RLN2: variants seen among roughly 807,000 people sequenced by gnomAD.
The protein encoded by RLN2 is relaxin 2.
Under a neutral mutation model 7.3 loss-of-function variants are expected in RLN2, and 10 were observed. The observed-to-expected ratio is 1.36, with a 90% CI of 0.84 to 2.31. The LOEUF is 2.31. Among genes scored for constraint, RLN2 ranks in the 30% most tolerant of loss-of-function variants. RLN2 has a pLI of 0.00. For synonymous variants in RLN2, 103 were observed against 82.3 expected (o/e 1.25, Z -1.36); for missense variants, 298 against 217.6 (o/e 1.37, Z -2.32).
At chr9:5,306,112 T>G (rs572182193), upstream of RLN2, among the ~76,000 whole-genome samples, 66 of 149,084 alleles carry the variant, frequency 4.4e-4, 1 homozygote, top group Admixed American at 2.9e-3. Flanking sequence ...GTTTTTTGTT[T>G]TTTTTTTTTT....
chr9:5,335,965 TCTTA>T, the RLN2 span, among the ~76,000 whole-genome samples: 1 of 152,092 alleles, frequency 6.6e-6, no homozygotes, highest in Non-Finnish European at 1.5e-5. Flanking sequence ...CTTGGATTCT[TCTTA>T]CTTAACTCGT....
At chr9:5,327,424 C>T in the RLN2 span, among the ~76,000 whole-genome samples, 1 of 151,978 alleles carries the variant, frequency 6.6e-6, no homozygotes. Flanking sequence ...TGGAGTCCAC[C>T]GCAGCTCAAC....
At chr9:5,330,040 C>T in the RLN2 span, among the ~76,000 whole-genome samples, 1 of 151,942 alleles carries the variant, frequency 6.6e-6, no homozygotes, top group African/African-American at 2.4e-5. Flanking sequence ...TGCAAAAGAA[C>T]AGATATCACA....
intron 1 of RLN2, chr9:5,304,164 A>G: frequency 1.1e-5 from 5 of 464,868 alleles, no homozygotes; most frequent in Non-Finnish European, 1.5e-5. Context: ...CCGTCCGGTG[A>G]GATTCCCAGT....
At chr9:5,337,626 TG>T in the RLN2 span, among the ~76,000 whole-genome samples, 7 of 152,022 alleles carry the variant, frequency 4.6e-5, no homozygotes, top group Admixed American at 4.6e-4. Context: ...AGTATAAGTC[TG>T]AAAACTCATA....
At chr9:5,322,789 A>G in the RLN2 span, among the ~76,000 whole-genome samples, 3 of 152,140 alleles carry the variant, frequency 2.0e-5, no homozygotes, top group Middle Eastern at 3.4e-3. Flanking sequence ...TATCATGTTT[A>G]AAGACTTTTT....
the RLN2 span, among the ~76,000 whole-genome samples, chr9:5,319,692 C>A: frequency 2.0e-5 from 3 of 151,976 alleles, no homozygotes; most frequent in Non-Finnish European, 4.4e-5. Flanking sequence ...GGCAAGCAAG[C>A]AACTCAGTGA....
chr9:5,336,377 T>C, the RLN2 span, among the ~76,000 whole-genome samples: 1 of 151,984 alleles, frequency 6.6e-6, no homozygotes, highest in East Asian at 1.9e-4. Flanking sequence ...GCAAGATCTG[T>C]GTGATTCCTA....
chr9:5,320,580 A>G, the RLN2 span, among the ~76,000 whole-genome samples: 1 of 151,734 alleles, frequency 6.6e-6, no homozygotes, highest in African/African-American at 2.4e-5. Context: ...CATGTGGGCC[A>G]GGCTGCTCTC....
chr9:5,322,334 G>T, the RLN2 span, among the ~76,000 whole-genome samples: 1 of 151,824 alleles, frequency 6.6e-6, no homozygotes, highest in African/African-American at 2.4e-5. Context: ...CCCAGTCATA[G>T]GACTGCAGCA....
the RLN2 span, among the ~76,000 whole-genome samples, chr9:5,318,202 A>C: frequency 1.3e-5 from 2 of 152,128 alleles, no homozygotes; most frequent in East Asian, 3.9e-4. Context: ...AATTATTTGC[A>C]ACATTATAAT....
chr9:5,328,033 A>C, the RLN2 span, among the ~76,000 whole-genome samples: 1 of 152,058 alleles, frequency 6.6e-6, no homozygotes, highest in African/African-American at 2.4e-5. Context: ...CTCAGCAGCA[A>C]GGGAACAAAA....
the RLN2 span, among the ~76,000 whole-genome samples, chr9:5,331,870 C>A: frequency 6.6e-6 from 1 of 151,900 alleles, no homozygotes; most frequent in African/African-American, 2.4e-5. Context: ...TTGGAGGGCA[C>A]AATTTTGCAG....
chr9:5,325,155 T>C, the RLN2 span, among the ~76,000 whole-genome samples: 1 of 151,962 alleles, frequency 6.6e-6, no homozygotes, highest in Non-Finnish European at 1.5e-5. Flanking sequence ...ATTACTATTA[T>C]TTTGTGGGGA....
the RLN2 span, chr9:5,311,348 T>C: frequency 9.6e-6 from 4 of 418,766 alleles, no homozygotes; most frequent in South Asian, 9.2e-5. Flanking sequence ...TAAACCTCAC[T>C]GGAACTAATG....
chr9:5,301,933 G>T (rs921715955), intron 1 of RLN2, among the ~76,000 whole-genome samples: 2 of 152,084 alleles, frequency 1.3e-5, no homozygotes, highest in Non-Finnish European at 1.5e-5. Context: ...TATCGTTTTT[G>T]GTTAAATGAG....
the RLN2 span, among the ~76,000 whole-genome samples, chr9:5,324,201 TCTC>T: frequency 5.9e-5 from 9 of 152,024 alleles, no homozygotes; most frequent in Non-Finnish European, 8.8e-5. Flanking sequence ...CAGCTGAAGT[TCTC>T]CTTGTGTTTT....
chr9:5,311,829 T>G, the RLN2 span: 2 of 455,000 alleles, frequency 4.4e-6, no homozygotes. Flanking sequence ...ATTTTTTTTC[T>G]TTTTTTTTTA....
At chr9:5,311,357 T>C in the RLN2 span, 163 of 432,506 alleles carry the variant, frequency 3.8e-4, 1 homozygote, top group Non-Finnish European at 4.8e-4. Flanking sequence ...CTGGAACTAA[T>C]GTAGCTGATA....
Sources: gnomAD v4.1 joint callset for allele counts (sites outside exome capture counted in the v4.1 genomes callset) on GRCh38, gnomAD v4.1.1 for gene constraint, MANE v1.5 for transcripts, NCBI Gene and HGNC (gene_info 2026-07-23, HGNC 2026-07-21) for gene names.